PATL2: variants seen among roughly 807,000 people sequenced by gnomAD.
The protein encoded by PATL2 is protein PAT1 homolog 2.
Under a neutral mutation model 77.0 loss-of-function variants are expected in PATL2, and 73 were observed. The observed-to-expected ratio is 0.95, with a 90% CI of 0.78 to 1.15. PATL2 has a LOEUF of 1.15. Among genes scored for constraint, PATL2 ranks in the 50% most tolerant of loss-of-function variants. The pLI is 0.00. For missense variants in PATL2, 618 were observed against 655.4 expected (o/e 0.94, Z 0.62); for synonymous variants, 265 against 257.1 (o/e 1.03, Z -0.29).
intron 4 of PATL2, 52 bp downstream of exon 4, chr15:44,676,423 A>C: frequency 6.9e-7 from 1 of 1,438,900 alleles, no homozygotes; most frequent in Admixed American, 2.0e-5. Context: ...CAGACCAGCA[A>C]CCTCTGCATG....
intron 5 of PATL2, 127 bp downstream of exon 5, chr15:44,675,359 A>C: frequency 8.9e-7 from 1 of 1,124,330 alleles, no homozygotes; most frequent in Non-Finnish European, 1.2e-6. Context: ...TCAAGGCTTA[A>C]AAAGAAAGTG....
chr15:44,674,596 C>G (rs1595968115), intron 5 of PATL2, among the ~76,000 whole-genome samples: 1 of 152,160 alleles, frequency 6.6e-6, no homozygotes, highest in East Asian at 1.9e-4. Context: ...GAGTCAGGGT[C>G]TTGCTCTGTC....
chr15:44,675,930 C>G (rs2085933782), intron 4 of PATL2: 1 of 493,748 alleles, frequency 2.0e-6, no homozygotes, highest in Non-Finnish European at 3.6e-6. Context: ...GCCTGTAGTC[C>G]CAGTTACTTG....
intron 4 of PATL2, 26 bp from the exon 5 acceptor site, chr15:44,675,717 G>A (rs2085921563): frequency 1.3e-6 from 2 of 1,527,432 alleles, no homozygotes; most frequent in Non-Finnish European, 1.8e-6. Context: ...GGCCAGAGGA[G>A]AAGGTAAGAT....
chr15:44,683,530 G>C (rs2086183333), intron 3 of PATL2, among the ~76,000 whole-genome samples: 1 of 152,212 alleles, frequency 6.6e-6, no homozygotes, highest in African/African-American at 2.4e-5. Context: ...TAGCCAGACT[G>C]CCTCTCTAGA....
At position 44,666,491 on chromosome 15, in the gene PATL2, G is replaced by A; in HGVS notation, c.1514C>T (p.Ala505Val). The change falls in exon 17 of 18, where the codon GCC (alanine) becomes GTC (valine). Residue 505 changes from alanine (A) to valine (V), a missense_variant. By Grantham distance (64) the Ala-to-Val change is moderately conservative. Transcript: ENST00000682850. The part of the protein sequence containing the change: ...IAWEIAQMPT[A>V]SLAEPLAFPS... ...GAAAGCTAGGGGTTCTGCCAGAGAG[G>A]CTGTAGGCATTTGGGCTATCTCCCA... 1 of 1,551,610 alleles carries A rather than the reference G, an allele frequency of 6.4e-7. No homozygotes were observed. The highest frequency in any genetic ancestry group is 8.7e-7 in the Non-Finnish European group (1 of 1,146,934).
chr15:44,677,280 T>C lies in PATL2; in HGVS notation c.-75-715A>G, dbSNP rs183617308. ...GGAGGATGCCTAGCAACCACATTCC[T>C]GGCGCTTCAGGGCAGCGTACTTGAA... On this transcript the variant is annotated intron_variant, in intron 3 of 17. Transcript: ENST00000682850. Among the ~76,000 whole-genome samples the C allele has an allele frequency of 2.1e-3, 320 of 152,262 alleles. 1 individual carries two copies. Among genetic ancestry groups the C allele is most frequent in the African/African-American group, 7.5e-3 (312 of 41,568 alleles).
chr15:44,686,947 G>A (rs949392853), intron 3 of PATL2, among the ~76,000 whole-genome samples: 7 of 152,120 alleles, frequency 4.6e-5, no homozygotes, highest in Non-Finnish European at 7.4e-5. Flanking sequence ...AGGACCAGAT[G>A]GACTCACAGC....
chr15:44,682,734 A>G (rs1467412261), intron 3 of PATL2, among the ~76,000 whole-genome samples: 3 of 152,258 alleles, frequency 2.0e-5, no homozygotes, highest in Non-Finnish European at 4.4e-5. Context: ...AGACATATTT[A>G]TGCCAAAGTA....
intron 3 of PATL2, among the ~76,000 whole-genome samples, chr15:44,703,181 C>T: frequency 6.6e-6 from 1 of 152,072 alleles, no homozygotes; most frequent in East Asian, 1.9e-4. Context: ...GAGGCTGAGG[C>T]AGGAGAATGG....
At chr15:44,693,455 G>A (rs2086437279) in intron 3 of PATL2, among the ~76,000 whole-genome samples, 1 of 152,070 alleles carries the variant, frequency 6.6e-6, no homozygotes, top group Non-Finnish European at 1.5e-5. Flanking sequence ...CCATTCTTCT[G>A]CAGTCACATC....
chr15:44,709,556 G>A (rs1278425643), intron 3 of PATL2, among the ~76,000 whole-genome samples: 2 of 152,064 alleles, frequency 1.3e-5, no homozygotes, highest in Non-Finnish European at 2.9e-5. Flanking sequence ...AAATTGTCAT[G>A]TTTGTAGACT....
chr15:44,671,884 C>G, intron 9 of PATL2, 131 bp downstream of exon 9: 3 of 1,148,792 alleles, frequency 2.6e-6, no homozygotes, highest in Non-Finnish European at 2.4e-6. Flanking sequence ...CGGCCCCCAT[C>G]CTGTAGTGAT....
At chr15:44,700,282 C>T (rs998071431) in intron 3 of PATL2, among the ~76,000 whole-genome samples, 5 of 151,648 alleles carry the variant, frequency 3.3e-5, no homozygotes, top group African/African-American at 7.3e-5. Flanking sequence ...AATGACTGTA[C>T]GTTGATTTTC....
intron 3 of PATL2, among the ~76,000 whole-genome samples, chr15:44,708,555 A>G (rs919399037): frequency 3.3e-5 from 5 of 152,216 alleles, no homozygotes; most frequent in Admixed American, 3.3e-4. Context: ...TATAAACAGA[A>G]TCATATAGTA....
rs2085688320 is a variant in PATL2 at position 44,671,732 on chromosome 15, T to C, written c.657+283A>G. Among the ~76,000 whole-genome samples the C allele has an allele frequency of 3.3e-5, 5 of 152,334 alleles. No homozygotes were observed. In the South Asian group the frequency reaches 1.0e-3, roughly 32 times the overall value. On this transcript the variant is annotated intron_variant, in intron 9 of 17. Transcript: ENST00000682850. ...CAGCATACACAGGTGGGAAAATCCATATTTCCTGGGTGAACAGGGAAAATT... is the reference window on the plus strand; with the variant it reads ...CAGCATACACAGGTGGGAAAATCCACATTTCCTGGGTGAACAGGGAAAATT...
intron 7 of PATL2, among the ~76,000 whole-genome samples, chr15:44,672,737 A>G (rs1481414942): frequency 6.6e-6 from 1 of 152,178 alleles, no homozygotes; most frequent in Non-Finnish European, 1.5e-5. Flanking sequence ...TCTCAGTTCC[A>G]TCATGCTACC....
rs2086642697 is a variant in PATL2, at chr15:44,702,137, G to T, written c.-76+7959C>A. ...ATGTTTAGTAACATTTAGCAGTGAA[G>T]ACATAGAGTCCTGGGCTTTCATTTG... On this transcript the variant is annotated intron_variant, in intron 3 of 17. Coordinates refer to ENST00000682850, the MANE Select transcript of PATL2 (RefSeq NM_001387263.1). Among the ~76,000 whole-genome samples the T allele has an allele frequency of 3.9e-5, 6 of 152,112 alleles. No homozygotes were observed. The South Asian group carries it at 1.2e-3, about 31-fold the overall frequency.
intron 10 of PATL2, 35 bp from the exon 11 acceptor site, chr15:44,669,909 C>T (rs1035501860): frequency 1.2e-5 from 19 of 1,550,988 alleles, no homozygotes; most frequent in Non-Finnish European, 1.6e-5. Flanking sequence ...CCTTCCCCCT[C>T]CCACACTCTG....
Sources: allele counts gnomAD v4.1 joint callset (sites outside exome capture counted in the v4.1 genomes callset), GRCh38; gene constraint gnomAD v4.1.1; transcripts MANE v1.5; gene names NCBI Gene and HGNC (gene_info 2026-07-23, HGNC 2026-07-21).